Variants in ADGRL2 observed in about 807,000 individuals in gnomAD.
ADGRL2 encodes the protein calcium-independent alpha-latrotoxin receptor 2.
Under a neutral mutation model 157.4 loss-of-function variants are expected in ADGRL2, and 44 were observed. That is an observed-to-expected ratio of 0.28 (90% CI 0.22 to 0.36). The LOEUF is 0.36. Among genes scored for constraint, ADGRL2 ranks in the 10% least tolerant of loss-of-function variants. The pLI, the probability that ADGRL2 is intolerant of heterozygous loss-of-function variation, is 1.00. For synonymous variants in ADGRL2, 585 were observed against 624.7 expected, an observed-to-expected ratio of 0.94 and a Z score of 0.95; for missense variants, 1,510 against 1,768.9, an observed-to-expected ratio of 0.85 and a Z score of 2.63.
intron 3 of ADGRL2, among the ~76,000 whole-genome samples, chr1:81,931,821 A>G (rs979095722): frequency 2.6e-5 from 4 of 151,982 alleles, no homozygotes; most frequent in African/African-American, 9.7e-5. Flanking sequence ...TTTTGTAGAG[A>G]TGGGGTTTTG....
At chr1:81,966,653 C>T (rs748482133) in intron 13 of ADGRL2, 44 bp downstream of exon 13, 1 of 1,575,778 alleles carries the variant, frequency 6.3e-7, no homozygotes, top group African/African-American at 1.4e-5. Flanking sequence ...GTTATAAAAG[C>T]AGAAAGAAAG....
At chr1:81,935,465 C>G (rs1036951532) in intron 3 of ADGRL2, among the ~76,000 whole-genome samples, 8 of 151,856 alleles carry the variant, frequency 5.3e-5, no homozygotes, top group Non-Finnish European at 8.8e-5. Context: ...AAGAGAAAGT[C>G]TAGTTTTGAG....
intron 3 of ADGRL2, among the ~76,000 whole-genome samples, chr1:81,924,137 C>G (rs1199391509): frequency 6.6e-6 from 1 of 152,150 alleles, no homozygotes; most frequent in Non-Finnish European, 1.5e-5. Context: ...GTGGCTGATT[C>G]TTCCCGCATA....
At chr1:81,881,332 C>T (rs1571884437) in intron 2 of ADGRL2, among the ~76,000 whole-genome samples, 1 of 152,118 alleles carries the variant, frequency 6.6e-6, no homozygotes, top group Admixed American at 6.5e-5. Context: ...CCCGCCGCCA[C>T]GCCCGGCTAA....
intron 3 of ADGRL2, among the ~76,000 whole-genome samples, chr1:81,584,693 A>C (rs1455076480): frequency 6.6e-6 from 1 of 152,206 alleles, no homozygotes; most frequent in Admixed American, 6.6e-5. Flanking sequence ...CCTGTCATAT[A>C]AACTTCAACA....
At chr1:81,562,328 T>C (rs1391545345) in intron 2 of ADGRL2, among the ~76,000 whole-genome samples, 3 of 152,166 alleles carry the variant, frequency 2.0e-5, no homozygotes, top group African/African-American at 7.2e-5. Context: ...ATATGTAAAC[T>C]GACAAGTATG....
At chr1:81,974,264 A>G (rs1445271371) in intron 17 of ADGRL2, among the ~76,000 whole-genome samples, 5 of 152,204 alleles carry the variant, frequency 3.3e-5, no homozygotes, top group African/African-American at 1.2e-4. Context: ...TATTATATCT[A>G]TGAGAAAAGT....
At chr1:81,505,608 C>T (rs976259060) in intron 2 of ADGRL2, among the ~76,000 whole-genome samples, 11 of 151,058 alleles carry the variant, frequency 7.3e-5, no homozygotes, top group African/African-American at 2.2e-4. Flanking sequence ...AGCAGAGCTT[C>T]CCCTGAAGGT....
chr1:81,342,155 A>G (rs1662120174), intron 1 of ADGRL2, among the ~76,000 whole-genome samples: 2 of 152,186 alleles, frequency 1.3e-5, no homozygotes, highest in South Asian at 2.1e-4. Flanking sequence ...TTAACAGCAG[A>G]TAACCATTTT....
At chr1:81,540,608 A>G (rs1017725080) in intron 2 of ADGRL2, among the ~76,000 whole-genome samples, 1 of 152,236 alleles carries the variant, frequency 6.6e-6, no homozygotes, top group African/African-American at 2.4e-5. Flanking sequence ...GGGACTAGAA[A>G]GAGCATTCCA....
At chr1:81,887,577 T>G (rs1156878322) in intron 2 of ADGRL2, among the ~76,000 whole-genome samples, 1 of 152,196 alleles carries the variant, frequency 6.6e-6, no homozygotes, top group South Asian at 2.1e-4. Flanking sequence ...AGTAAAAATA[T>G]ATAAAAGGAA....
intron 15 of ADGRL2, 23 bp from the exon 16 acceptor site, chr1:81,970,291 T>A (rs1380123498): frequency 6.4e-7 from 1 of 1,554,886 alleles, no homozygotes; most frequent in Non-Finnish European, 8.9e-7. Flanking sequence ...TTCTTTTGTG[T>A]TTTTTGTTCT....
chr1:81,803,802 C>T (rs1224381066), intron 1 of ADGRL2, among the ~76,000 whole-genome samples: 1 of 152,120 alleles, frequency 6.6e-6, no homozygotes, highest in Admixed American at 6.5e-5. Context: ...TCAGTACGTG[C>T]ACTTCTCTTC....
At chr1:81,642,785 AT>A (rs1341216817) in intron 3 of ADGRL2, among the ~76,000 whole-genome samples, 2 of 152,186 alleles carry the variant, frequency 1.3e-5, no homozygotes, top group African/African-American at 4.8e-5. Context: ...TCAAAAATCA[AT>A]TAATATAATA....
At chr1:81,553,351 C>T (rs922818360) in intron 2 of ADGRL2, among the ~76,000 whole-genome samples, 25 of 152,084 alleles carry the variant, frequency 1.6e-4, no homozygotes, top group African/African-American at 6.0e-4. Flanking sequence ...GGTTTTTGAA[C>T]TTTTAGTATC....
At chr1:81,736,849 T>C (rs1304824455) in intron 1 of ADGRL2, among the ~76,000 whole-genome samples, 1 of 152,174 alleles carries the variant, frequency 6.6e-6, no homozygotes, top group Admixed American at 6.5e-5. Flanking sequence ...TCACTCTTTT[T>C]TTTGAGACTG....
chr1:81,709,721 AG>A (rs2083860344), intron 1 of ADGRL2, among the ~76,000 whole-genome samples: 1 of 152,128 alleles, frequency 6.6e-6, no homozygotes, highest in African/African-American at 2.4e-5. Flanking sequence ...CACACTATTA[AG>A]AGGCATTTGA....
intron 3 of ADGRL2, among the ~76,000 whole-genome samples, chr1:81,932,169 T>A (rs938714801): frequency 6.6e-6 from 1 of 152,214 alleles, no homozygotes; most frequent in Non-Finnish European, 1.5e-5. Context: ...ACATAGTATA[T>A]TTTTACATAT....
intron 1 of ADGRL2, chr1:81,721,935 G>GA (rs1203752934): frequency 3.0e-6 from 2 of 670,176 alleles, no homozygotes; most frequent in Non-Finnish European, 5.5e-6. Flanking sequence ...AAGTGATCTA[G>GA]AAGTTGATAA....
Sources: gnomAD v4.1 joint callset for allele counts (sites outside exome capture counted in the v4.1 genomes callset) on GRCh38, gnomAD v4.1.1 for gene constraint, MANE v1.5 for transcripts, NCBI Gene and HGNC (gene_info 2026-07-23, HGNC 2026-07-21) for gene names.